Variants in EIF4B observed in about 807,000 individuals in gnomAD.
EIF4B encodes the protein eukaryotic translation initiation factor 4B.
Under a neutral mutation model 79.3 loss-of-function variants are expected in EIF4B, and 8 were observed. The observed-to-expected ratio is 0.10, with a 90% CI of 0.06 to 0.18. EIF4B has a LOEUF of 0.18. EIF4B is among the 10% of genes least tolerant of loss of function. The pLI is 1.00. For synonymous variants in EIF4B, 238 were observed against 274.7 expected (o/e 0.87, Z 1.32); for missense variants, 515 against 792.4 (o/e 0.65, Z 4.20).
chr12:53,012,204 C>G (rs1943075401), intron 1 of EIF4B: 1 of 152,146 alleles, frequency 6.6e-6, no homozygotes. Flanking sequence ...GTCAGTGCTG[C>G]TGCTACAGTT....
At chr12:53,016,060 A>G (rs887583171) in intron 1 of EIF4B, among the ~76,000 whole-genome samples, 1 of 152,070 alleles carries the variant, frequency 6.6e-6, no homozygotes, top group East Asian at 1.9e-4. Context: ...CAAAACTGCC[A>G]TACTGAATAT....
chr12:53,037,380 A>G (rs1247242411), intron 10 of EIF4B, 29 bp from the exon 11 acceptor site: 66 of 1,600,206 alleles, frequency 4.1e-5, no homozygotes, highest in Non-Finnish European at 5.6e-5. Flanking sequence ...GCAGCCTGAT[A>G]ATTTGATATT....
intron 8 of EIF4B, 26 bp from the exon 9 acceptor site, chr12:53,033,780 A>G (rs1565591963): frequency 1.3e-6 from 2 of 1,562,626 alleles, no homozygotes; most frequent in South Asian, 1.2e-5. Context: ...TTGGAAAACT[A>G]TTACTTAAAG....
At chr12:53,019,442 T>TTTTTTTTG (rs1943207153) in intron 3 of EIF4B, among the ~76,000 whole-genome samples, 1 of 100,642 alleles carries the variant, frequency 9.9e-6, no homozygotes, top group African/African-American at 4.0e-5. Context: ...TATATATTTT[T>TTTTTTTTG]TTTTTTTCTT....
intron 8 of EIF4B, among the ~76,000 whole-genome samples, chr12:53,029,502 A>G (rs1260745089): frequency 2.0e-5 from 3 of 151,402 alleles, no homozygotes; most frequent in Non-Finnish European, 4.4e-5. Context: ...CAGCCTCCCG[A>G]GTAGCTGGGA....
intron 6 of EIF4B, among the ~76,000 whole-genome samples, 195 bp downstream of exon 6, chr12:53,022,822 AAACTT>A (rs1290013612): frequency 2.0e-5 from 3 of 152,156 alleles, no homozygotes; most frequent in African/African-American, 7.2e-5. Flanking sequence ...TTTTTTTTGA[AAACTT>A]AACCAAACAA....
At position 53,006,463 on chromosome 12, in the gene EIF4B, GTTCTC is replaced by G; in HGVS notation, c.-18_-14del. The stretch of plus-strand genomic sequence containing the variant: ...TGATTGCCTCATCCGGGTCTTTTGC[GTTCTC>G]TTTCCCTCTCCCAACATGGCGGCCT... On this transcript the variant is annotated 5_prime_UTR_variant, in exon 1 of 15. Transcript: ENST00000262056. The G allele has an allele frequency of 6.2e-7, 1 of 1,613,156 alleles. No individual in the cohort carries two copies. Among genetic ancestry groups the G allele is most frequent in the Non-Finnish European group, 8.5e-7 (1 of 1,180,022 alleles).
intron 10 of EIF4B, 82 bp downstream of exon 10, chr12:53,034,791 T>A: frequency 6.8e-7 from 1 of 1,469,848 alleles, no homozygotes; most frequent in Non-Finnish European, 9.5e-7. Context: ...GACCCTGCAA[T>A]ATTTAAATTC....
chr12:53,026,556 T>G (rs1327367411), intron 6 of EIF4B, among the ~76,000 whole-genome samples: 1 of 152,270 alleles, frequency 6.6e-6, no homozygotes, highest in Non-Finnish European at 1.5e-5. Flanking sequence ...TCAAATCTTT[T>G]CATGCATAGT....
At chr12:53,028,267 A>T (rs1317893595) in intron 8 of EIF4B, 79 bp downstream of exon 8, 1 of 1,494,928 alleles carries the variant, frequency 6.7e-7, no homozygotes, top group Non-Finnish European at 8.9e-7. Flanking sequence ...GTTACGAACT[A>T]CTGAGTTGGG....
At chr12:53,020,412 C>T (rs1943228905) in intron 4 of EIF4B, among the ~76,000 whole-genome samples, 1 of 152,130 alleles carries the variant, frequency 6.6e-6, no homozygotes. Flanking sequence ...AAAGGCATAT[C>T]TCATTTTCAG....
intron 4 of EIF4B, among the ~76,000 whole-genome samples, chr12:53,021,439 A>C (rs930775605): frequency 1.3e-5 from 2 of 152,184 alleles, no homozygotes; most frequent in African/African-American, 4.8e-5. Context: ...GGCTTCTATA[A>C]ATTTTGATAA....
At chr12:53,032,386 T>G (rs148035079) in intron 8 of EIF4B, among the ~76,000 whole-genome samples, 114 of 152,232 alleles carry the variant, frequency 7.5e-4, no homozygotes, top group African/African-American at 2.6e-3. Flanking sequence ...TGAGTTGAGA[T>G]CACACCACTG....
intron 10 of EIF4B, among the ~76,000 whole-genome samples, chr12:53,034,956 CT>C (rs72498436): frequency 0.19 from 16,887 of 89,948 alleles, 1,717 homozygotes; most frequent in East Asian, 0.41. Context: ...TTGTCTCTCT[CT>C]TTTTTTTTTT....
At chr12:53,010,311 T>C (rs1039629946) in intron 1 of EIF4B, among the ~76,000 whole-genome samples, 11 of 152,220 alleles carry the variant, frequency 7.2e-5, no homozygotes, top group Non-Finnish European at 8.8e-5. Flanking sequence ...TTTACTATGC[T>C]AAACTTACCC....
intron 3 of EIF4B, among the ~76,000 whole-genome samples, chr12:53,019,433 A>ATT (rs1565586158): frequency 5.5e-4 from 18 of 32,930 alleles, no homozygotes; most frequent in Middle Eastern, 0.025. Context: ...TTATATATAT[A>ATT]TATATTTTTT....
chr12:53,035,620 G>A (rs1337794104), intron 10 of EIF4B, among the ~76,000 whole-genome samples: 2 of 151,774 alleles, frequency 1.3e-5, no homozygotes, highest in Non-Finnish European at 2.9e-5. Flanking sequence ...CACCCGACTC[G>A]GCCTCCCAAA....
intron 13 of EIF4B, 32 bp downstream of exon 13, chr12:53,039,375 G>A: frequency 6.7e-7 from 1 of 1,498,308 alleles, no homozygotes; most frequent in Non-Finnish European, 9.1e-7. Flanking sequence ...TCTTTCCTCT[G>A]ATCCACATGT....
chr12:53,033,753 C>G, intron 8 of EIF4B, 53 bp from the exon 9 acceptor site: 1 of 1,523,514 alleles, frequency 6.6e-7, no homozygotes, highest in Non-Finnish European at 8.8e-7. Flanking sequence ...TGGCTTTCAG[C>G]CATCAGCTTC....
Sources: gnomAD v4.1 joint callset for allele counts (sites outside exome capture counted in the v4.1 genomes callset) on GRCh38, gnomAD v4.1.1 for gene constraint, MANE v1.5 for transcripts, NCBI Gene and HGNC (gene_info 2026-07-23, HGNC 2026-07-21) for gene names.